NPEPL1: variants seen among roughly 807,000 people sequenced by gnomAD.
NPEPL1 encodes the protein probable aminopeptidase NPEPL1.
In NPEPL1, 45 loss-of-function variants were observed where a neutral mutation model predicts 52.4. The ratio of observed to expected loss-of-function variants is 0.86; its 90% CI spans 0.68 to 1.10. The LOEUF is 1.10. Among genes scored for constraint, NPEPL1 ranks in the 50% least tolerant of loss-of-function variants. The pLI is 0.00. For missense variants in NPEPL1, 696 were observed against 710.9 expected, an observed-to-expected ratio of 0.98 and a Z score of 0.24; for synonymous variants, 360 against 314.7, an observed-to-expected ratio of 1.14 and a Z score of -1.52.
intron 6 of NPEPL1, among the ~76,000 whole-genome samples, chr20:58,706,671 C>T (rs1162660813): frequency 7.4e-6 from 1 of 135,832 alleles, no homozygotes; most frequent in Non-Finnish European, 1.5e-5. Flanking sequence ...TTCCTTCTCA[C>T]GCTGTGCGGA....
chr20:58,702,661 T>C (rs1244557288), intron 6 of NPEPL1, among the ~76,000 whole-genome samples: 1 of 151,376 alleles, frequency 6.6e-6, no homozygotes, highest in Non-Finnish European at 1.5e-5. Context: ...TCATTTAAAT[T>C]GATCTTCTTT....
upstream of NPEPL1, among the ~76,000 whole-genome samples, chr20:58,690,436 A>G (rs1384294060): frequency 2.6e-5 from 4 of 152,250 alleles, no homozygotes; most frequent in Non-Finnish European, 5.9e-5. Context: ...ATCTAAACAA[A>G]GTGCTGCCTG....
In NPEPL1 at chr20:58,703,725, C is replaced by A. The variant is rs186039775; in HGVS notation, c.822+2567C>A. ...CCTGTGCAGTTAGTCAGCTCCCGGC[C>A]TGGAAATTAACACAAAGGAAAAACC... is the stretch of plus-strand genomic sequence containing the variant. On this transcript the variant is annotated intron_variant, in intron 6 of 11. Coordinates refer to ENST00000356091, the MANE Select transcript of NPEPL1 (RefSeq NM_024663.4). 1.8e-5 allele frequency: 18 copies of A among 984,668 alleles called. No individual in the cohort carries two copies. The Admixed American group carries it at 1.0e-3, about 57-fold the overall frequency. 61.0% of individuals were successfully genotyped at this position (984,668 alleles called of 1,614,324 possible). A position where few individuals can be genotyped will look rare whatever the true frequency, so the allele number is the denominator to read the frequency against.
At position 58,714,828 on chromosome 20, in the gene NPEPL1, C is replaced by CA. The variant is rs2084922179; in HGVS notation, c.1413+158_1413+159insA. 4.6e-6 allele frequency: 3 copies of CA among 650,200 alleles called. No homozygotes were observed. In the African/African-American group the frequency reaches 5.5e-5, roughly 12 times the overall value. 40.3% of individuals were successfully genotyped at this position (650,200 alleles called of 1,614,324 possible). A position where few individuals can be genotyped will look rare whatever the true frequency, so the allele number is the denominator to read the frequency against. The stretch of plus-strand genomic sequence containing the variant: ...CCCACCACCCCCAGGTCTCATCCTC[C>CA]CTGGGAACAGAGTGGCTGCTGTGTG... On this transcript the variant is annotated intron_variant, in intron 11 of 11. Transcript: ENST00000356091.
chr20:58,712,139 C>T (rs557006557), intron 7 of NPEPL1, among the ~76,000 whole-genome samples: 9 of 152,196 alleles, frequency 5.9e-5, no homozygotes, highest in South Asian at 2.1e-4. Context: ...ATTGAGGGGA[C>T]GCGGCTGCTG....
chr20:58,702,607 G>C (rs2084656200), intron 6 of NPEPL1, among the ~76,000 whole-genome samples: 1 of 151,530 alleles, frequency 6.6e-6, no homozygotes, highest in South Asian at 2.1e-4. Flanking sequence ...ATGAATGTTT[G>C]TTTCTGGCTT....
chr20:58,696,116 C>G (rs1243057089), intron 3 of NPEPL1, among the ~76,000 whole-genome samples: 1 of 152,228 alleles, frequency 6.6e-6, no homozygotes, highest in Admixed American at 6.5e-5. Flanking sequence ...CAGAGCCCAC[C>G]GGGGGCTCAA....
chr20:58,696,567 A>G (rs1459092358), intron 3 of NPEPL1, among the ~76,000 whole-genome samples: 1 of 152,288 alleles, frequency 6.6e-6, no homozygotes, highest in East Asian at 1.9e-4. Context: ...ATTGGTCCCA[A>G]CTAGCTAGTG....
intron 6 of NPEPL1, chr20:58,705,617 C>A: frequency 2.3e-6 from 1 of 440,694 alleles, no homozygotes; most frequent in East Asian, 7.1e-5. Flanking sequence ...TAAATCACTG[C>A]GAAAATGGTT....
At chr20:58,702,138 G>C (rs1419701341) in intron 6 of NPEPL1, among the ~76,000 whole-genome samples, 1 of 152,234 alleles carries the variant, frequency 6.6e-6, no homozygotes, top group African/African-American at 2.4e-5. Flanking sequence ...ACGGAGGCCT[G>C]GCATTTTTAA....
intron 6 of NPEPL1, among the ~76,000 whole-genome samples, chr20:58,706,245 G>A (rs1360004001): frequency 6.6e-6 from 1 of 152,188 alleles, no homozygotes; most frequent in East Asian, 1.9e-4. Context: ...TGAACTAGCA[G>A]GAGGGCAGAG....
chr20:58,690,755 G>A (rs1047274914), upstream of NPEPL1, among the ~76,000 whole-genome samples: 2 of 152,172 alleles, frequency 1.3e-5, no homozygotes, highest in African/African-American at 4.8e-5. Flanking sequence ...GGGTTATTCA[G>A]TCTATTCTTA....
intron 3 of NPEPL1, among the ~76,000 whole-genome samples, chr20:58,698,291 G>T (rs2084532869): frequency 6.6e-6 from 1 of 152,126 alleles, no homozygotes; most frequent in Non-Finnish European, 1.5e-5. Flanking sequence ...ATCTGCAGAG[G>T]TGAGGCGTGG....
chr20:58,692,989 A>G lies in NPEPL1; in HGVS notation c.89A>G (p.His30Arg). Residue 30 changes from histidine (H) to arginine (R), a missense_variant, in exon 1 of 12, where the codon CAC (histidine) becomes CGC (arginine). By Grantham distance (29) the His-to-Arg change is conservative (BLOSUM62 0). Transcript: ENST00000356091. This position sits in a 1 kb window ranked among gnomAD's most constrained non-coding sequence, Gnocchi z 5.7. ...RPLLLLGQLH[H>R]LHRVPWSHVR... is the part of the protein sequence containing the mutation. ...CTGCTGCTGCTCGGGCAGCTGCACC[A>G]CCTGCACCGCGTGCCCTGGAGCCAC... 8.5e-7 allele frequency: 1 copy of G among 1,170,674 alleles called. No individual in the cohort carries two copies. Among genetic ancestry groups the G allele is most frequent in the Non-Finnish European group, 1.1e-6 (1 of 930,608 alleles). The allele number at this position is 1,170,674 out of a possible 1,614,324, so 72.5% of individuals were successfully genotyped here.
In NPEPL1 at chr20:58,706,967, C is replaced by T. The variant is rs112263582; in HGVS notation, c.823-156C>T. ...TTGGCCAATATGAGGTTCATGAGTTCTGTGGGTGCCCAGGAGGCCTGGTGT... is the reference window on the plus strand; with the variant it reads ...TTGGCCAATATGAGGTTCATGAGTTTTGTGGGTGCCCAGGAGGCCTGGTGT... On this transcript the variant is annotated intron_variant, in intron 6 of 11. Coordinates refer to ENST00000356091, the MANE Select transcript of NPEPL1 (RefSeq NM_024663.4). Among the ~76,000 whole-genome samples the T allele has an allele frequency of 1.2e-4, 17 of 146,166 alleles. 1 individual carries two copies. The highest frequency in any genetic ancestry group is 4.0e-4 in the African/African-American group (16 of 40,382).
chr20:58,712,035 CT>C (rs1017562801), intron 7 of NPEPL1, among the ~76,000 whole-genome samples: 2 of 152,364 alleles, frequency 1.3e-5, no homozygotes, highest in South Asian at 4.1e-4. Context: ...GAACAAATGA[CT>C]TTTGGCATCA....
chr20:58,693,966 C>G (rs1297406742), intron 2 of NPEPL1, 44 bp downstream of exon 2: 1 of 1,506,916 alleles, frequency 6.6e-7, no homozygotes, highest in African/African-American at 1.4e-5. Context: ...CCTAGTCGGG[C>G]AGCGGTGAGC....
chr20:58,707,721 G>A (rs962645325), intron 7 of NPEPL1, among the ~76,000 whole-genome samples: 26 of 151,070 alleles, frequency 1.7e-4, no homozygotes, highest in African/African-American at 5.8e-4. Context: ...GGCGTGGGGG[G>A]GGTGGGGGGT....
chr20:58,714,490 G>A (rs530043524), intron 10 of NPEPL1, 70 bp from the exon 11 acceptor site: 3 of 1,130,364 alleles, frequency 2.7e-6, no homozygotes, highest in African/African-American at 1.6e-5. Context: ...ATAGTGACAG[G>A]CGATGGGGCA....
Sources: allele counts gnomAD v4.1 joint callset (sites outside exome capture counted in the v4.1 genomes callset), GRCh38; gene constraint gnomAD v4.1.1; non-coding constraint Gnocchi (gnomAD v3.1); transcripts MANE v1.5; gene names NCBI Gene and HGNC (gene_info 2026-07-23, HGNC 2026-07-21).